Variants in ZNF385D observed in about 807,000 individuals in gnomAD.
ZNF385D encodes zinc finger protein 385D, also known as zinc finger protein 659.
ZNF385D carries 15 observed loss-of-function variants against 35.8 expected under a neutral mutation model. The observed-to-expected ratio is 0.42, with a 90% CI of 0.28 to 0.64. The LOEUF (loss-of-function observed/expected upper bound fraction) is 0.64, where lower values mean the gene tolerates loss of function less well. ZNF385D is among the 30% of genes least tolerant of loss of function. The pLI, the probability that ZNF385D is intolerant of heterozygous loss-of-function variation, is 0.23. For synonymous variants in ZNF385D, 212 were observed against 186.8 expected (o/e 1.13, Z -1.10); for missense variants, 474 against 494.6 (o/e 0.96, Z 0.39).
chr3:22,222,262 G>T (rs769531735), intron 2 of ZNF385D, among the ~76,000 whole-genome samples: 25 of 151,598 alleles, frequency 1.6e-4, no homozygotes, highest in Non-Finnish European at 2.9e-4. Flanking sequence ...AGCCACGTCC[G>T]GCTAACCACT....
intron 5 of ZNF385D, among the ~76,000 whole-genome samples, chr3:21,433,994 C>T (rs1023283240): frequency 7.2e-5 from 11 of 151,920 alleles, no homozygotes; most frequent in East Asian, 1.9e-4. Flanking sequence ...TTAAGCCCTG[C>T]GGTATTACAT....
intron 2 of ZNF385D, among the ~76,000 whole-genome samples, chr3:22,252,540 A>C (rs542550178): frequency 6.6e-6 from 1 of 152,198 alleles, no homozygotes; most frequent in East Asian, 1.9e-4. Context: ...CTACTGTCAA[A>C]GAAAATTACC....
rs1007872721 is a variant in ZNF385D, at chr3:21,418,390, G to T, written c.*2824C>A. 1.3e-5 allele frequency: 2 copies of T among 152,204 alleles called. No individual in the cohort carries two copies. Among genetic ancestry groups the T allele is most frequent in the African/African-American group, 2.4e-5 (1 of 41,522 alleles). The allele number at this position is 152,204 out of a possible 1,614,324, so 9.4% of individuals were successfully genotyped here. A position where few individuals can be genotyped will look rare whatever the true frequency, so the allele number is the denominator to read the frequency against. On this transcript the variant is annotated 3_prime_UTR_variant, in exon 8 of 8. Coordinates refer to ENST00000281523, the MANE Select transcript of ZNF385D (RefSeq NM_024697.3). ...TGGTATTGGTAAATATATGGAGTGTGGGGGAAACAACTCACAGAGAATCCA... is the reference window on the plus strand; with the variant it reads ...TGGTATTGGTAAATATATGGAGTGTTGGGGAAACAACTCACAGAGAATCCA...
At chr3:22,317,705 C>G (rs989536522) in intron 2 of ZNF385D, among the ~76,000 whole-genome samples, 2 of 152,152 alleles carry the variant, frequency 1.3e-5, no homozygotes, top group Admixed American at 1.3e-4. Flanking sequence ...CACTACAAGT[C>G]ATCAGTCTGT....
intron 2 of ZNF385D, among the ~76,000 whole-genome samples, chr3:21,596,222 T>G (rs1277036082): frequency 1.3e-5 from 2 of 152,188 alleles, no homozygotes; most frequent in Non-Finnish European, 2.9e-5. Flanking sequence ...GGAAGAGGAT[T>G]AATTTGAGTC....
chr3:22,020,248 G>A (rs550423613), intron 3 of ZNF385D, among the ~76,000 whole-genome samples: 20 of 151,936 alleles, frequency 1.3e-4, no homozygotes, highest in Non-Finnish European at 2.4e-4. Flanking sequence ...ACAAGAATAG[G>A]AGCCAGCAAG....
chr3:21,484,597 G>A (rs1405075928), intron 4 of ZNF385D, among the ~76,000 whole-genome samples: 1 of 152,170 alleles, frequency 6.6e-6, no homozygotes, highest in African/African-American at 2.4e-5. Flanking sequence ...ATGGTCAAGA[G>A]TGTCCTGCCC....
intron 3 of ZNF385D, among the ~76,000 whole-genome samples, chr3:22,031,078 T>C (rs766601609): frequency 7.2e-5 from 11 of 152,246 alleles, no homozygotes; most frequent in Non-Finnish European, 1.5e-4. Context: ...CTCAATGCTT[T>C]AGCAGCTCTG....
At chr3:22,318,114 G>A (rs1334699800) in intron 2 of ZNF385D, among the ~76,000 whole-genome samples, 2 of 151,960 alleles carry the variant, frequency 1.3e-5, no homozygotes, top group East Asian at 1.9e-4. Context: ...AGTGCTCAAT[G>A]TGTTTTGGCT....
intron 2 of ZNF385D, among the ~76,000 whole-genome samples, chr3:22,269,546 C>G (rs1701067583): frequency 6.6e-6 from 1 of 151,834 alleles, no homozygotes; most frequent in Non-Finnish European, 1.5e-5. Flanking sequence ...GAATTAGAAA[C>G]AATTTGAGTA....
intron 3 of ZNF385D, among the ~76,000 whole-genome samples, chr3:22,095,234 T>G (rs1382643742): frequency 6.6e-6 from 1 of 151,864 alleles, no homozygotes; most frequent in African/African-American, 2.4e-5. Context: ...GTCCCCAAAT[T>G]CTTTATCCTT....
At position 21,428,026 on chromosome 3, in the gene ZNF385D, T is replaced by A. The variant is rs192800864; in HGVS notation, c.674-2356A>T. The stretch of plus-strand genomic sequence containing the variant: ...TTTTAAACAGTGTAACCTCATACAT[T>A]TAGTAAGATATTGTCAATCATAATT... On this transcript the variant is annotated intron_variant, in intron 5 of 7. Coordinates refer to ENST00000281523, the MANE Select transcript of ZNF385D (RefSeq NM_024697.3). 1.4e-4 allele frequency among the ~76,000 whole-genome samples: 22 copies of A among 152,188 alleles called. No individual in the cohort carries two copies. The East Asian group carries it at 4.3e-3, about 29-fold the overall frequency.
chr3:22,039,779 T>C (rs1698553609), intron 3 of ZNF385D, among the ~76,000 whole-genome samples: 1 of 152,078 alleles, frequency 6.6e-6, no homozygotes, highest in Non-Finnish European at 1.5e-5. Context: ...GGGTACATCG[T>C]TTTAGGAGTT....
At chr3:22,107,091 C>A (rs1702262458) in intron 3 of ZNF385D, among the ~76,000 whole-genome samples, 1 of 137,794 alleles carries the variant, frequency 7.3e-6, no homozygotes. Context: ...ATGGAGTGAT[C>A]TTGGTTCACC....
intron 2 of ZNF385D, among the ~76,000 whole-genome samples, chr3:22,246,750 G>A (rs1364320556): frequency 6.6e-6 from 1 of 152,042 alleles, no homozygotes; most frequent in Non-Finnish European, 1.5e-5. Flanking sequence ...AAACCCAAAT[G>A]ACTTTCAGAG....
intron 1 of ZNF385D, among the ~76,000 whole-genome samples, chr3:21,745,784 G>C (rs1460672663): frequency 6.6e-6 from 1 of 152,110 alleles, no homozygotes; most frequent in African/African-American, 2.4e-5. Context: ...GTAGAAATAG[G>C]CTTCTGCTTA....
At chr3:21,452,943 A>G (rs1702549809) in intron 4 of ZNF385D, among the ~76,000 whole-genome samples, 1 of 151,984 alleles carries the variant, frequency 6.6e-6, no homozygotes, top group South Asian at 2.1e-4. Flanking sequence ...TCGAGAATAA[A>G]GTTAGAAGAA....
intron 3 of ZNF385D, among the ~76,000 whole-genome samples, chr3:22,069,535 T>C (rs1273204139): frequency 2.6e-5 from 4 of 152,168 alleles, no homozygotes; most frequent in Admixed American, 2.6e-4. Context: ...CTTGACTCTT[T>C]GAAAAACTGA....
chr3:21,459,131 G>A (rs388647), intron 4 of ZNF385D, among the ~76,000 whole-genome samples: 26,335 of 152,026 alleles, frequency 0.17, 2,440 homozygotes, highest in Middle Eastern at 0.22. Context: ...GATTTCAGAA[G>A]TCTCAAGACA....
Sources: gnomAD v4.1 joint callset for allele counts (sites outside exome capture counted in the v4.1 genomes callset) on GRCh38, gnomAD v4.1.1 for gene constraint, MANE v1.5 for transcripts, NCBI Gene and HGNC (gene_info 2026-07-23, HGNC 2026-07-21) for gene names.